Variants in NOL4 observed in about 807,000 individuals in gnomAD.
NOL4 encodes cancer/testis antigen 125.
Under a neutral mutation model 75.9 loss-of-function variants are expected in NOL4, and 17 were observed. The ratio of observed to expected loss-of-function variants is 0.22; its 90% CI spans 0.15 to 0.34. The LOEUF is 0.34. Among genes scored for constraint, NOL4 ranks in the 10% least tolerant of loss-of-function variants. The probability of loss-of-function intolerance (pLI) is 1.00; values close to 1 mark genes in which losing one functional copy is unlikely to be tolerated. For synonymous variants in NOL4, 292 were observed against 289.9 expected (o/e 1.01, Z -0.07); for missense variants, 614 against 793.5 (o/e 0.77, Z 2.72).
chr18:34,083,240 G>A (rs965971417), intron 5 of NOL4, among the ~76,000 whole-genome samples: 1 of 152,182 alleles, frequency 6.6e-6, no homozygotes, highest in Non-Finnish European at 1.5e-5. Context: ...CAATATTTGT[G>A]AGCTTTCATG....
chr18:34,030,133 T>C (rs1022271975), intron 5 of NOL4, among the ~76,000 whole-genome samples: 1 of 152,208 alleles, frequency 6.6e-6, no homozygotes, highest in Non-Finnish European at 1.5e-5. Flanking sequence ...AAAATTCCAC[T>C]TTGATTATAT....
At chr18:33,988,099 G>A (rs138890958) in intron 6 of NOL4, among the ~76,000 whole-genome samples, 227 of 152,152 alleles carry the variant, frequency 1.5e-3, no homozygotes, top group African/African-American at 5.3e-3. Flanking sequence ...AGAAAACAAG[G>A]TCCAAATGTT....
At chr18:34,121,927 T>C (rs2080160786) in intron 2 of NOL4, among the ~76,000 whole-genome samples, 1 of 152,178 alleles carries the variant, frequency 6.6e-6, no homozygotes, top group African/African-American at 2.4e-5. Flanking sequence ...ATGCCACCTG[T>C]CTGCCCCTAA....
At chr18:34,009,317 C>A (rs2074241198) in intron 6 of NOL4, among the ~76,000 whole-genome samples, 1 of 151,706 alleles carries the variant, frequency 6.6e-6, no homozygotes, top group East Asian at 1.9e-4. Context: ...GAAGAAGGGA[C>A]AAAAGAAGAA....
intron 1 of NOL4, among the ~76,000 whole-genome samples, chr18:34,182,817 G>T (rs1236346367): frequency 6.6e-6 from 1 of 151,452 alleles, no homozygotes; most frequent in African/African-American, 2.4e-5. Context: ...ATTAAAAATG[G>T]ATAAAATTAA....
chr18:34,080,804 T>A (rs184466347), intron 5 of NOL4, among the ~76,000 whole-genome samples: 4 of 152,176 alleles, frequency 2.6e-5, no homozygotes, highest in African/African-American at 9.7e-5. Flanking sequence ...CACAGTTTAA[T>A]GGAAAGAAAA....
intron 4 of NOL4, among the ~76,000 whole-genome samples, chr18:34,100,621 T>A (rs2079003262): frequency 6.6e-6 from 1 of 152,218 alleles, no homozygotes; most frequent in African/African-American, 2.4e-5. Context: ...CCCTGGGTGC[T>A]CTTTCTCAGT....
chr18:33,921,834 C>G (rs1433121417), intron 9 of NOL4, among the ~76,000 whole-genome samples: 1 of 152,126 alleles, frequency 6.6e-6, no homozygotes, highest in Non-Finnish European at 1.5e-5. Context: ...TGTTTTTCAT[C>G]GGCTTTCCAG....
intron 1 of NOL4, among the ~76,000 whole-genome samples, chr18:34,133,077 A>C (rs977812350): frequency 2.2e-4 from 33 of 152,072 alleles, no homozygotes; most frequent in African/African-American, 7.5e-4. Context: ...GTTCGAGACC[A>C]GCCTGACCAA....
intron 5 of NOL4, among the ~76,000 whole-genome samples, chr18:34,039,245 T>C (rs1417632768): frequency 6.6e-6 from 1 of 152,022 alleles, no homozygotes; most frequent in Non-Finnish European, 1.5e-5. Flanking sequence ...ACAGGTTTAT[T>C]ACTAAGGGTT....
At chr18:33,860,574 T>C (rs2063066601) in intron 10 of NOL4, among the ~76,000 whole-genome samples, 1 of 152,200 alleles carries the variant, frequency 6.6e-6, no homozygotes, top group Non-Finnish European at 1.5e-5. Context: ...TCATGTTGTC[T>C]GCAAACAGGG....
At chr18:33,949,605 CG>C (rs1467084351) in intron 8 of NOL4, among the ~76,000 whole-genome samples, 4 of 151,982 alleles carry the variant, frequency 2.6e-5, no homozygotes, top group Non-Finnish European at 5.9e-5. Flanking sequence ...AATTGGAGCC[CG>C]TGGATCTACT....
At chr18:33,915,452 T>C (rs2145194198) in intron 9 of NOL4, among the ~76,000 whole-genome samples, 1 of 152,200 alleles carries the variant, frequency 6.6e-6, no homozygotes, top group South Asian at 2.1e-4. Flanking sequence ...AGGAGAATAG[T>C]ATTTACACAT....
At chr18:33,974,500 G>A (rs765564367) in intron 6 of NOL4, among the ~76,000 whole-genome samples, 3 of 152,144 alleles carry the variant, frequency 2.0e-5, no homozygotes, top group Admixed American at 1.3e-4. Context: ...AGTCATTGGA[G>A]TAGTCAGAAT....
intron 9 of NOL4, among the ~76,000 whole-genome samples, chr18:33,901,796 TAA>T (rs922155784): frequency 6.6e-6 from 1 of 152,046 alleles, no homozygotes; most frequent in African/African-American, 2.4e-5. Context: ...GAATAAATTA[TAA>T]GACATGTAAA....
At chr18:34,097,542 T>A (rs2078844943) in intron 4 of NOL4, among the ~76,000 whole-genome samples, 1 of 152,236 alleles carries the variant, frequency 6.6e-6, no homozygotes, top group Admixed American at 6.5e-5. Flanking sequence ...CTCTATAATA[T>A]TCTCTATTCA....
At chr18:33,901,735 A>G (rs1174847703) in intron 9 of NOL4, among the ~76,000 whole-genome samples, 1 of 152,126 alleles carries the variant, frequency 6.6e-6, no homozygotes, top group African/African-American at 2.4e-5. Flanking sequence ...TCTAGTTGAC[A>G]TAATAATTCT....
At position 33,966,720 on chromosome 18, in the gene NOL4, T is replaced by C. The variant is rs540219779; in HGVS notation, c.1057-8302A>G. On this transcript the variant is annotated intron_variant, in intron 6 of 10. Transcript: ENST00000261592. The stretch of plus-strand genomic sequence containing the variant: ...TTCAAGCTGAGAGCCAAATCAAGAA[T>C]GCAATCTCATTTAAAATAGCCACAC... Among the ~76,000 whole-genome samples the C allele has an allele frequency of 3.3e-5, 5 of 152,118 alleles. No homozygotes were observed. The South Asian group carries it at 6.2e-4, about 19-fold the overall frequency.
At position 34,222,567 on chromosome 18, in the gene NOL4, G is replaced by A. The variant is rs150367289; in HGVS notation, c.264+423C>T. The A allele has an allele frequency of 2.0e-3, 1,192 of 595,212 alleles. 6 individuals carry two copies. In the African/African-American group the frequency reaches 0.022, roughly 11 times the overall value. 36.9% of individuals were successfully genotyped at this position (595,212 alleles called of 1,614,324 possible). A position where few individuals can be genotyped will look rare whatever the true frequency, so the allele number is the denominator to read the frequency against. On this transcript the variant is annotated intron_variant, in intron 1 of 10. Transcript: ENST00000261592. ...ACACTGTAGACTATCGATCAGACTC[G>A]TCTGCTCTCAGAGCGTGCGGCCGGG...
Sources: gnomAD v4.1 joint callset for allele counts (sites outside exome capture counted in the v4.1 genomes callset) on GRCh38, gnomAD v4.1.1 for gene constraint, MANE v1.5 for transcripts, NCBI Gene and HGNC (gene_info 2026-07-23, HGNC 2026-07-21) for gene names.